The following MYOM3 variants were observed in gnomAD, a reference collection of about 807,000 sequenced individuals.
MYOM3 encodes myomesin 3.
Under a neutral mutation model 191.7 loss-of-function variants are expected in MYOM3, and 155 were observed. That is an observed-to-expected ratio of 0.81 (90% CI 0.71 to 0.92). The LOEUF is 0.92. Ranked by LOEUF, MYOM3 falls within the 40% of genes least tolerant of loss-of-function variation. The pLI is 0.00. For missense variants in MYOM3, 1,889 were observed against 1,890.6 expected (o/e 1.00, Z 0.02); for synonymous variants, 757 against 762.9 (o/e 0.99, Z 0.13).
chr1:24,084,358 G>T, intron 16 of MYOM3, 110 bp downstream of exon 16: 2 of 1,244,734 alleles, frequency 1.6e-6, no homozygotes, highest in Non-Finnish European at 2.3e-6. Context: ...TGTATAGGTC[G>T]CAGAACTGTG....
Position 24,062,596 on chromosome 1 carries a change from G to C in MYOM3, c.3771-487C>G, listed in dbSNP as rs1335066812. Among the ~76,000 whole-genome samples, 6 of 152,210 alleles carry C rather than the reference G, an allele frequency of 3.9e-5. No homozygotes were observed. The South Asian group carries it at 6.2e-4, about 16-fold the overall frequency. ...GTTGGATTATCTGGGGCCACTCAGA[G>C]AGTGGCTGAGTCTCTGTGGGTACCT... On this transcript the variant is annotated intron_variant, in intron 32 of 36. Coordinates refer to ENST00000374434, the MANE Select transcript of MYOM3 (RefSeq NM_152372.4).
At chr1:24,060,249 C>A (rs1361981339) in intron 35 of MYOM3, among the ~76,000 whole-genome samples, 1 of 152,160 alleles carries the variant, frequency 6.6e-6, no homozygotes, top group African/African-American at 2.4e-5. Context: ...CCCTCAGCCC[C>A]CTGCAGGAGC....
In MYOM3 at chr1:24,095,920, A is replaced by C. The variant is rs1643876368; in HGVS notation, c.746-434T>G. Among the ~76,000 whole-genome samples the C allele has an allele frequency of 1.3e-5, 2 of 152,176 alleles. 1 individual carries two copies. Among genetic ancestry groups the C allele is most frequent in the South Asian group, 4.1e-4 (2 of 4,824 alleles). ...GGGGCTGAAGGGTGAAATCCAAGGTAATGTTGCCACAGACCACCAGAGAAT... is the reference window on the plus strand; with the variant it reads ...GGGGCTGAAGGGTGAAATCCAAGGTCATGTTGCCACAGACCACCAGAGAAT... On this transcript the variant is annotated intron_variant, in intron 7 of 36. Coordinates refer to ENST00000374434, the MANE Select transcript of MYOM3 (RefSeq NM_152372.4).
chr1:24,095,070 G>A lies in MYOM3; in HGVS notation c.791-80C>T. On this transcript the variant is annotated intron_variant, in intron 8 of 36. Transcript: ENST00000374434. ...GGGACTTAGGAGTGAGGAAATTTCT[G>A]GGGCATCCCTTCTCTTCTGGGTCTT... 4.1e-6 allele frequency: 6 copies of A among 1,459,604 alleles called. No homozygotes were observed. The South Asian group carries it at 8.0e-5, about 19-fold the overall frequency. The allele number at this position is 1,459,604 out of a possible 1,614,324, so 90.4% of individuals were successfully genotyped here.
rs920850775 is a variant in MYOM3, at chr1:24,111,688, G to T, written c.-19+343C>A. Among the ~76,000 whole-genome samples, 1 of 151,836 alleles carries T rather than the reference G, an allele frequency of 6.6e-6. No homozygotes were observed. The highest frequency in any genetic ancestry group is 2.4e-5 in the African/African-American group (1 of 41,300). On this transcript the variant is annotated intron_variant, in intron 1 of 36. Transcript: ENST00000374434. This position sits in a 1 kb window ranked among gnomAD's most constrained non-coding sequence, Gnocchi z 4.7. ...AACTTGCCAGCTTAGCCTGGCTCCCGCTTATCGCTGCTCCATCACAGGAAA... is the reference window on the plus strand; with the variant it reads ...AACTTGCCAGCTTAGCCTGGCTCCCTCTTATCGCTGCTCCATCACAGGAAA...
chr1:24,056,244 C>T lies in MYOM3; in HGVS notation c.*1120G>A, dbSNP rs1035772851. The T allele has an allele frequency of 3.3e-5, 5 of 152,318 alleles. No individual in the cohort carries two copies. The highest frequency in any genetic ancestry group is 7.2e-5 in the African/African-American group (3 of 41,568). 9.4% of individuals were successfully genotyped at this position (152,318 alleles called of 1,614,324 possible). A position where few individuals can be genotyped will look rare whatever the true frequency, so the allele number is the denominator to read the frequency against. Reference sequence around the variant, plus strand: ...TATCTGTCACACCAGGCAGAGGCCCCGTGCTGGAAGCCCTGGAGGTTACCA... The same window carrying T: ...TATCTGTCACACCAGGCAGAGGCCCTGTGCTGGAAGCCCTGGAGGTTACCA... On this transcript the variant is annotated 3_prime_UTR_variant, in exon 37 of 37. Coordinates refer to ENST00000374434, the MANE Select transcript of MYOM3 (RefSeq NM_152372.4).
chr1:24,089,036 G>T (rs952832140), intron 14 of MYOM3, among the ~76,000 whole-genome samples: 3 of 152,118 alleles, frequency 2.0e-5, no homozygotes, highest in Non-Finnish European at 4.4e-5. Flanking sequence ...CACTCCACAA[G>T]ACCTGCCTCA....
At position 24,071,989 on chromosome 1, in the gene MYOM3, C is replaced by CTCAGCTTCT. The variant is rs748656694; in HGVS notation, c.2984_2992dup (p.Lys995_Leu997dup). The CTCAGCTTCT allele has an allele frequency of 2.5e-6, 4 of 1,614,044 alleles. No homozygotes were observed. The highest frequency in any genetic ancestry group is 2.2e-5 in the East Asian group (1 of 44,886). ...CTTACCTGGGTTTCTGATCTCATGA[C>CTCAGCTTCT]TCAGCTTCTTCAGCTTCTCCAGCTC... On this transcript the variant is annotated inframe_insertion, in exon 24 of 37. Coordinates refer to ENST00000374434, the MANE Select transcript of MYOM3 (RefSeq NM_152372.4).
intron 17 of MYOM3, 114 bp from the exon 18 acceptor site, chr1:24,082,302 GGT>G (rs1435025334): frequency 9.4e-7 from 1 of 1,059,228 alleles, no homozygotes; most frequent in African/African-American, 1.6e-5. Context: ...CTACTCCAGG[GGT>G]TTTTCCCTGA....
In MYOM3 at chr1:24,064,099, C is replaced by A; in HGVS notation, c.3595G>T (p.Asp1199Tyr). 1 of 1,614,052 alleles carries A rather than the reference C, an allele frequency of 6.2e-7. No individual in the cohort carries two copies. The highest frequency in any genetic ancestry group is 8.5e-7 in the Non-Finnish European group (1 of 1,179,974). The change falls in exon 30 of 37, where the codon GAC becomes TAC. Residue 1199 changes from aspartate to tyrosine, a missense_variant. Transcript: ENST00000374434. Reference sequence around the variant, plus strand: ...TCACCCGTGAGGTCCAATATGGTGTCGTCCTCCCCTCGATCGTCAGAAACC... The same window carrying A: ...TCACCCGTGAGGTCCAATATGGTGTAGTCCTCCCCTCGATCGTCAGAAACC... ...AMVSDDRGED[D>Y]TILDLTGDAL...
intron 27 of MYOM3, among the ~76,000 whole-genome samples, chr1:24,067,654 G>C (rs1347087011): frequency 6.6e-6 from 1 of 151,936 alleles, no homozygotes; most frequent in Non-Finnish European, 1.5e-5. Context: ...TAGAGATAGG[G>C]TTTCACCATG....
intron 21 of MYOM3, among the ~76,000 whole-genome samples, 199 bp downstream of exon 21, chr1:24,075,960 A>T (rs1283145660): frequency 6.6e-6 from 1 of 152,214 alleles, no homozygotes; most frequent in African/African-American, 2.4e-5. Flanking sequence ...CTAGCGTGTG[A>T]CCTGGTTGAT....
In MYOM3 at chr1:24,074,228, C is replaced by T. The variant is rs1012473029; in HGVS notation, c.2900G>A (p.Gly967Asp). Reference protein sequence around the residue: ...ILKEPGLEDLGTYSVIVTDAD... With the variant: ...ILKEPGLEDLDTYSVIVTDAD... Reference sequence around the variant, plus strand: ...ATCAGTGACTATGACTGAGTAGGTGCCCAAATCCTCGAGGCCGGGTTCTTT... The same window carrying T: ...ATCAGTGACTATGACTGAGTAGGTGTCCAAATCCTCGAGGCCGGGTTCTTT... Residue 967 changes from glycine (G) to aspartate (D), a missense_variant, in exon 23 of 37, where the codon GGC (glycine) becomes GAC (aspartate). Transcript: ENST00000374434. 5 of 1,613,914 alleles carry T rather than the reference C, an allele frequency of 3.1e-6. No homozygotes were observed. The highest frequency in any genetic ancestry group is 4.2e-6 in the Non-Finnish European group (5 of 1,179,966).
chr1:24,088,671 A>G (rs928636749), intron 14 of MYOM3, among the ~76,000 whole-genome samples: 108 of 152,216 alleles, frequency 7.1e-4, no homozygotes, highest in Non-Finnish European at 3.2e-4. Flanking sequence ...TCCTCCCTGG[A>G]AATTTTAAAT....
At chr1:24,073,550 A>AG (rs1643556407) in intron 23 of MYOM3, among the ~76,000 whole-genome samples, 1 of 152,154 alleles carries the variant, frequency 6.6e-6, no homozygotes, top group Admixed American at 6.5e-5. Context: ...AAATAATTCT[A>AG]GTACCTTTGC....
At position 24,063,429 on chromosome 1, in the gene MYOM3, G is replaced by A; in HGVS notation, c.3661+63C>T. On this transcript the variant is annotated intron_variant, in intron 31 of 36. Coordinates refer to ENST00000374434, the MANE Select transcript of MYOM3 (RefSeq NM_152372.4). The surrounding 1 kb of genome is among the most constrained non-coding windows in gnomAD (Gnocchi z 4.5). ...CCCCAATAGCCAAGGCCAGTGTTAG[G>A]CTGCTTGGAGGCTGTTGGGCATCAG... The A allele has an allele frequency of 1.3e-6, 2 of 1,594,144 alleles. No homozygotes were observed. Among genetic ancestry groups the A allele is most frequent in the Admixed American group, 3.3e-5 (2 of 60,002 alleles).
At chr1:24,073,401 CT>C (rs1643554244) in intron 23 of MYOM3, among the ~76,000 whole-genome samples, 2 of 152,138 alleles carry the variant, frequency 1.3e-5, no homozygotes, top group Non-Finnish European at 2.9e-5. Flanking sequence ...ATGGATGGTC[CT>C]TTAGACGTGG....
chr1:24,074,080 C>T (rs1643566410), intron 23 of MYOM3, 80 bp downstream of exon 23: 1 of 1,171,818 alleles, frequency 8.5e-7, no homozygotes, highest in East Asian at 2.4e-5. Context: ...ATTTTGGTTG[C>T]TTTTTGCTGA....
rs368787290 is a variant in MYOM3 at position 24,107,066 on chromosome 1, C to A, written c.402+7G>T. On this transcript the variant is annotated splice_region_variant and intron_variant, in intron 4 of 36. Coordinates refer to ENST00000374434, the MANE Select transcript of MYOM3 (RefSeq NM_152372.4). The stretch of plus-strand genomic sequence containing the variant: ...AGGCCCTGGGGCTCCACGGCCCACC[C>A]CCTTACCCGCCGCCTCAGCGTCTTC... 1,645 of 1,603,846 alleles carry A rather than the reference C, an allele frequency of 1.0e-3. 4 individuals carry two copies. The highest frequency in any genetic ancestry group is 1.4e-3 in the Non-Finnish European group (1,596 of 1,175,532).
Sources: allele counts gnomAD v4.1 joint callset (sites outside exome capture counted in the v4.1 genomes callset), GRCh38; gene constraint gnomAD v4.1.1; non-coding constraint Gnocchi (gnomAD v3.1); transcripts MANE v1.5; gene names NCBI Gene and HGNC (gene_info 2026-07-23, HGNC 2026-07-21).